The following STK38 variants were observed in gnomAD, a reference collection of about 807,000 sequenced individuals.
The protein encoded by STK38 is serine/threonine kinase 38, also known as serine/threonine-protein kinase 38.
STK38 carries 26 observed loss-of-function variants against 59.0 expected under a neutral mutation model. That is an observed-to-expected ratio of 0.44 (90% CI 0.32 to 0.61). The LOEUF is 0.61. Ranked by LOEUF, STK38 falls within the 20% of genes least tolerant of loss-of-function variation. The probability of loss-of-function intolerance (pLI) is 0.04; values close to 1 mark genes in which losing one functional copy is unlikely to be tolerated. For synonymous variants in STK38, 175 were observed against 176.6 expected (o/e 0.99, Z 0.07); for missense variants, 433 against 566.0 (o/e 0.76, Z 2.38).
At chr6:36,543,893 C>A (rs1186299295) in intron 1 of STK38, among the ~76,000 whole-genome samples, 1 of 152,172 alleles carries the variant, frequency 6.6e-6, no homozygotes, top group African/African-American at 2.4e-5. Context: ...CTGGGCCTCC[C>A]AAAGTGCTGG....
chr6:36,543,658 T>C (rs956970263), intron 1 of STK38, among the ~76,000 whole-genome samples: 12 of 151,936 alleles, frequency 7.9e-5, no homozygotes, highest in African/African-American at 2.9e-4. Flanking sequence ...TTTCTTTTTT[T>C]GGAAATGGAG....
At chr6:36,507,696 T>C (rs1777000858) in intron 7 of STK38, 94 bp from the exon 8 acceptor site, 4 of 834,812 alleles carry the variant, frequency 4.8e-6, no homozygotes, top group Non-Finnish European at 7.7e-6. Context: ...ATTATAGCTC[T>C]ACAGCCAAAG....
At chr6:36,504,322 T>C (rs1055031243) in intron 9 of STK38, among the ~76,000 whole-genome samples, 2 of 152,240 alleles carry the variant, frequency 1.3e-5, no homozygotes, top group Non-Finnish European at 2.9e-5. Context: ...AGCCGAGGAA[T>C]GAAGCTAAAG....
intron 2 of STK38, among the ~76,000 whole-genome samples, chr6:36,529,543 C>A (rs1777616764): frequency 6.6e-6 from 1 of 152,170 alleles, no homozygotes; most frequent in African/African-American, 2.4e-5. Context: ...AGAGACGAAG[C>A]CACTTTCACA....
intron 1 of STK38, among the ~76,000 whole-genome samples, chr6:36,546,944 T>G (rs6941918): frequency 0.36 from 54,829 of 151,316 alleles, 11,453 homozygotes; most frequent in African/African-American, 0.55. Context: ...AGGAGAAAGA[T>G]AAAGGATGGG....
chr6:36,526,142 A>AT (rs1777505908), intron 2 of STK38, among the ~76,000 whole-genome samples: 1 of 151,504 alleles, frequency 6.6e-6, no homozygotes, highest in Admixed American at 6.6e-5. Context: ...TTAGGTCTAC[A>AT]TTTTTTAAAA....
chr6:36,534,182 T>G (rs891756486), intron 2 of STK38, among the ~76,000 whole-genome samples: 1 of 151,660 alleles, frequency 6.6e-6, no homozygotes, highest in Non-Finnish European at 1.5e-5. Context: ...ACTCACCATA[T>G]TAAAAGAATA....
intron 9 of STK38, among the ~76,000 whole-genome samples, chr6:36,505,570 C>T (rs567480489): frequency 6.6e-6 from 1 of 152,222 alleles, no homozygotes; most frequent in South Asian, 2.1e-4. Flanking sequence ...TAAAGGTACT[C>T]TAGAGAACTG....
At chr6:36,516,518 A>C (rs371452392) in intron 6 of STK38, among the ~76,000 whole-genome samples, 18 of 152,318 alleles carry the variant, frequency 1.2e-4, no homozygotes, top group African/African-American at 4.1e-4. Context: ...TATTGGAGAA[A>C]AGTAGCTATT....
In STK38 at chr6:36,546,191, T is replaced by C. The variant is rs1582476193; in HGVS notation, c.-6+999A>G. 1.3e-5 allele frequency among the ~76,000 whole-genome samples: 2 copies of C among 152,240 alleles called. 1 individual carries two copies. The highest frequency in any genetic ancestry group is 1.3e-4 in the Admixed American group (2 of 15,280). Reference sequence around the variant, plus strand: ...GTTTTAATATTCTTCCCCCATTTCATGCACAGTGCTATGCACTTAGCACCT... The same window carrying C: ...GTTTTAATATTCTTCCCCCATTTCACGCACAGTGCTATGCACTTAGCACCT... On this transcript the variant is annotated intron_variant, in intron 1 of 13. Transcript: ENST00000229812.
At chr6:36,506,123 C>G (rs370444497) in intron 9 of STK38, among the ~76,000 whole-genome samples, 17 of 152,238 alleles carry the variant, frequency 1.1e-4, no homozygotes, top group African/African-American at 4.1e-4. Context: ...TTCTTTTTTA[C>G]ATCACAAAGT....
At chr6:36,523,219 G>A (rs887028486) in intron 4 of STK38, among the ~76,000 whole-genome samples, 1 of 150,870 alleles carries the variant, frequency 6.6e-6, no homozygotes, top group East Asian at 1.9e-4. Flanking sequence ...TCTATCACCT[G>A]TGCCTCTGAA....
chr6:36,500,659 C>T (rs2127467221), intron 9 of STK38, among the ~76,000 whole-genome samples: 1 of 148,732 alleles, frequency 6.7e-6, no homozygotes, highest in South Asian at 2.2e-4. Context: ...TCTCGGGAGG[C>T]TGAGGCAGGA....
intron 7 of STK38, among the ~76,000 whole-genome samples, chr6:36,512,664 C>G (rs892136495): frequency 6.6e-6 from 1 of 151,190 alleles, no homozygotes; most frequent in African/African-American, 2.4e-5. Context: ...GGTAATCTTT[C>G]TTCTTTTTTT....
rs900744641 is a variant in STK38, at chr6:36,524,275, A to G, written c.306+66T>C. On this transcript the variant is annotated intron_variant, in intron 4 of 13. Transcript: ENST00000229812. ...TTGTTATATCAACAATCATGACTTA[A>G]TGGTATGTTAGAAGCTTTGAAGTTT... is the stretch of plus-strand genomic sequence containing the variant. The G allele has an allele frequency of 6.5e-6, 10 of 1,545,726 alleles. No homozygotes were observed. In the African/African-American group the frequency reaches 1.3e-4, roughly 19 times the overall value.
chr6:36,524,901 A>C (rs1777473256), intron 3 of STK38, among the ~76,000 whole-genome samples: 1 of 152,246 alleles, frequency 6.6e-6, no homozygotes, highest in South Asian at 2.1e-4. Context: ...TGGGTTCTGC[A>C]AGCCAGTCCT....
intron 5 of STK38, among the ~76,000 whole-genome samples, chr6:36,519,702 C>T (rs1284522349): frequency 6.6e-6 from 1 of 152,158 alleles, no homozygotes; most frequent in Non-Finnish European, 1.5e-5. Context: ...TTCCCCTATT[C>T]CATAAATATT....
At chr6:36,511,983 T>G (rs1309807088) in intron 7 of STK38, among the ~76,000 whole-genome samples, 1 of 151,986 alleles carries the variant, frequency 6.6e-6, no homozygotes, top group Non-Finnish European at 1.5e-5. Flanking sequence ...TGCTTGAAAC[T>G]GGGAGGCAGA....
chr6:36,527,761 C>A (rs993125997), intron 2 of STK38, among the ~76,000 whole-genome samples: 2 of 151,958 alleles, frequency 1.3e-5, no homozygotes, highest in Admixed American at 1.3e-4. Context: ...ATCAGCATTC[C>A]AGATAAACAG....
Sources: allele counts gnomAD v4.1 joint callset (sites outside exome capture counted in the v4.1 genomes callset), GRCh38; gene constraint gnomAD v4.1.1; transcripts MANE v1.5; gene names NCBI Gene and HGNC (gene_info 2026-07-23, HGNC 2026-07-21).